The following GNG12 variants were observed in gnomAD, a reference collection of about 807,000 sequenced individuals.
GNG12 encodes the protein guanine nucleotide-binding protein G(I)/G(S)/G(O) subunit gamma-12.
For missense variants in GNG12, 69 were observed against 83.8 expected, an observed-to-expected ratio of 0.82 and a Z score of 0.69; for synonymous variants, 28 against 29.7, an observed-to-expected ratio of 0.94 and a Z score of 0.19.
intron 2 of GNG12, among the ~76,000 whole-genome samples, chr1:67,749,292 A>G (rs953964999): frequency 6.6e-5 from 10 of 152,226 alleles, no homozygotes; most frequent in Non-Finnish European, 1.3e-4. Flanking sequence ...TCACCTGCAA[A>G]ATGGAACTTT....
intron 1 of GNG12, among the ~76,000 whole-genome samples, chr1:67,817,155 T>C (rs904695276): frequency 1.3e-5 from 2 of 152,150 alleles, no homozygotes; most frequent in African/African-American, 2.4e-5. Flanking sequence ...CATAATTCAA[T>C]GTAATAATTA....
At chr1:67,788,779 T>C (rs1018118342) in intron 1 of GNG12, among the ~76,000 whole-genome samples, 1 of 152,228 alleles carries the variant, frequency 6.6e-6, no homozygotes, top group African/African-American at 2.4e-5. Context: ...CTTACATTCT[T>C]ACTGTTCGAC....
chr1:67,739,435 C>T (rs974121733), intron 2 of GNG12, among the ~76,000 whole-genome samples: 5 of 152,170 alleles, frequency 3.3e-5, no homozygotes, highest in African/African-American at 1.2e-4. Flanking sequence ...TTATTGAACG[C>T]CTACTATGTG....
chr1:67,730,521 C>T (rs1646412971), intron 2 of GNG12, among the ~76,000 whole-genome samples: 1 of 151,910 alleles, frequency 6.6e-6, no homozygotes, highest in Non-Finnish European at 1.5e-5. Flanking sequence ...GCCCCCGCAC[C>T]GACCCCCGCC....
At chr1:67,790,610 CTTTTTT>C (rs34333997) in intron 1 of GNG12, among the ~76,000 whole-genome samples, 1 of 125,386 alleles carries the variant, frequency 8.0e-6, no homozygotes, top group Non-Finnish European at 1.7e-5. Flanking sequence ...TAGTTTATTC[CTTTTTT>C]TTTTTTTTTT....
chr1:67,759,573 G>A (rs1189216574), intron 2 of GNG12, among the ~76,000 whole-genome samples: 1 of 152,126 alleles, frequency 6.6e-6, no homozygotes, highest in African/African-American at 2.4e-5. Context: ...AGAACTATAT[G>A]TACCTCAAAG....
At chr1:67,742,314 C>G (rs1051035314) in intron 2 of GNG12, among the ~76,000 whole-genome samples, 1 of 152,122 alleles carries the variant, frequency 6.6e-6, no homozygotes, top group Non-Finnish European at 1.5e-5. Context: ...CTAAAACAAT[C>G]TAATCTTTAA....
At chr1:67,731,618 A>C (rs1401440538) in intron 2 of GNG12, among the ~76,000 whole-genome samples, 1 of 152,242 alleles carries the variant, frequency 6.6e-6, no homozygotes, top group African/African-American at 2.4e-5. Flanking sequence ...AAGCAGAGGC[A>C]CCATGAAGAT....
intron 2 of GNG12, among the ~76,000 whole-genome samples, chr1:67,740,979 T>G (rs1272852349): frequency 6.6e-6 from 1 of 152,220 alleles, no homozygotes; most frequent in Non-Finnish European, 1.5e-5. Context: ...TTTTATATTT[T>G]TATCCACTAG....
At chr1:67,790,781 A>G (rs1284320028) in intron 1 of GNG12, among the ~76,000 whole-genome samples, 1 of 151,880 alleles carries the variant, frequency 6.6e-6, no homozygotes, top group Non-Finnish European at 1.5e-5. Flanking sequence ...ACGTCTGGCT[A>G]ATTTTTGTAT....
chr1:67,790,773 G>A (rs564798991), intron 1 of GNG12, among the ~76,000 whole-genome samples: 10 of 152,042 alleles, frequency 6.6e-5, no homozygotes, highest in African/African-American at 9.6e-5. Context: ...CCACCACCAC[G>A]TCTGGCTAAT....
intron 2 of GNG12, among the ~76,000 whole-genome samples, chr1:67,748,669 C>T (rs548365032): frequency 6.6e-6 from 1 of 152,252 alleles, no homozygotes; most frequent in Admixed American, 6.5e-5. Context: ...CCTACAGAAA[C>T]TGAGAATTAA....
At chr1:67,746,527 A>C (rs982706782) in intron 2 of GNG12, among the ~76,000 whole-genome samples, 7 of 151,998 alleles carry the variant, frequency 4.6e-5, no homozygotes, top group Non-Finnish European at 7.4e-5. Context: ...GGAGGGAGCT[A>C]TGGGGGCGGG....
intron 2 of GNG12, among the ~76,000 whole-genome samples, chr1:67,734,834 A>G (rs150651217): frequency 1.4e-3 from 212 of 152,120 alleles, no homozygotes; most frequent in African/African-American, 4.9e-3. Context: ...AAAATGTATT[A>G]CAATTTTTAT....
intron 2 of GNG12, among the ~76,000 whole-genome samples, chr1:67,755,198 A>C (rs1478098451): frequency 6.6e-6 from 1 of 152,264 alleles, no homozygotes; most frequent in East Asian, 1.9e-4. Flanking sequence ...GTAGGTGGAA[A>C]GAGCTTGATG....
intron 3 of GNG12, among the ~76,000 whole-genome samples, chr1:67,706,579 C>T (rs1646249242): frequency 1.3e-5 from 2 of 151,976 alleles, no homozygotes; most frequent in African/African-American, 4.8e-5. Context: ...TAGCCTCATG[C>T]TGGGAAGACA....
intron 2 of GNG12, among the ~76,000 whole-genome samples, chr1:67,735,232 C>G (rs902867166): frequency 9.9e-5 from 15 of 152,216 alleles, no homozygotes; most frequent in Non-Finnish European, 1.9e-4. Context: ...CTAGTTCACA[C>G]AATGATAAGC....
intron 2 of GNG12, among the ~76,000 whole-genome samples, chr1:67,762,264 G>C (rs1406122710): frequency 6.6e-6 from 1 of 152,050 alleles, no homozygotes; most frequent in Non-Finnish European, 1.5e-5. Context: ...TTGTTTATCT[G>C]CCTACCCCAT....
At chr1:67,755,570 T>C (rs1646563259) in intron 2 of GNG12, among the ~76,000 whole-genome samples, 1 of 152,170 alleles carries the variant, frequency 6.6e-6, no homozygotes, top group Admixed American at 6.5e-5. Flanking sequence ...ATGGGCCTTC[T>C]TCAGGGGCTT....
Sources: gnomAD v4.1 joint callset for allele counts (sites outside exome capture counted in the v4.1 genomes callset) on GRCh38, gnomAD v4.1.1 for gene constraint, MANE v1.5 for transcripts, NCBI Gene and HGNC (gene_info 2026-07-23, HGNC 2026-07-21) for gene names.